The following KCNJ1 variants were observed in gnomAD, a reference collection of about 807,000 sequenced individuals.
KCNJ1 encodes the protein potassium inwardly rectifying channel subfamily J member 1, also known as ATP-sensitive inward rectifier potassium channel 1.
Under a neutral mutation model 21.9 loss-of-function variants are expected in KCNJ1, and 24 were observed. The observed-to-expected ratio is 1.10, with a 90% CI of 0.79 to 1.54. KCNJ1 has a LOEUF of 1.54. KCNJ1 is among the 40% of genes most tolerant of loss of function. KCNJ1 has a pLI of 0.00. For synonymous variants in KCNJ1, 152 were observed against 160.9 expected (o/e 0.94, Z 0.42); for missense variants, 457 against 455.4 (o/e 1.00, Z -0.03).
chr11:128,839,361 A>T lies in KCNJ1; in HGVS notation c.883T>A (p.Tyr295Asn). Residue 295 changes from tyrosine to asparagine, a missense_variant, in exon 3 of 3, where the codon TAT (tyrosine) becomes AAT (asparagine). Tyr to Asn is a moderately radical substitution (Grantham distance 143). Coordinates refer to ENST00000392666, the MANE Select transcript of KCNJ1 (RefSeq NM_153766.3). ...TSATCQVRTS[Y>N]VPEEVLWGYR... ...CCCCAAAGCACCTCCTCTGGGACAT[A>T]GGATGTCCGGACTTGGCAGGTAGCA... is the stretch of plus-strand genomic sequence containing the variant. 1.2e-6 allele frequency: 2 copies of T among 1,614,142 alleles called. No individual in the cohort carries two copies. Among genetic ancestry groups the T allele is most frequent in the South Asian group, 2.2e-5 (2 of 91,078 alleles).
At chr11:128,847,767 T>C (rs963859138) in intron 2 of KCNJ1, among the ~76,000 whole-genome samples, 1 of 152,242 alleles carries the variant, frequency 6.6e-6, no homozygotes, top group African/African-American at 2.4e-5. Flanking sequence ...TTACCAGTCT[T>C]TGGTGGCAGC....
At chr11:128,849,896 G>A (rs1943451404) in intron 2 of KCNJ1, among the ~76,000 whole-genome samples, 2 of 152,108 alleles carry the variant, frequency 1.3e-5, no homozygotes, top group South Asian at 4.1e-4. Flanking sequence ...AACCCCTCCT[G>A]CCCGCCCGCC....
At chr11:128,847,139 T>G (rs1475158458) in intron 2 of KCNJ1, among the ~76,000 whole-genome samples, 1 of 152,090 alleles carries the variant, frequency 6.6e-6, no homozygotes, top group Non-Finnish European at 1.5e-5. Flanking sequence ...CAGCCCCTAA[T>G]CCAGAGCAAA....
chr11:128,856,551 T>C (rs1943594839), intron 1 of KCNJ1, among the ~76,000 whole-genome samples: 1 of 152,320 alleles, frequency 6.6e-6, no homozygotes, highest in South Asian at 2.1e-4. Context: ...GGCATAGGCA[T>C]CTTGGACTGA....
At chr11:128,862,505 T>TC (rs1365132301) in intron 1 of KCNJ1, among the ~76,000 whole-genome samples, 1 of 151,800 alleles carries the variant, frequency 6.6e-6, no homozygotes, top group African/African-American at 2.4e-5. Flanking sequence ...GCCCCCTCCA[T>TC]CCCCCCCGGG....
At chr11:128,862,834 C>T (rs1230905578) in intron 1 of KCNJ1, among the ~76,000 whole-genome samples, 2 of 152,228 alleles carry the variant, frequency 1.3e-5, no homozygotes, top group East Asian at 1.9e-4. Context: ...ATCCAAATAC[C>T]CTGATCCCCA....
chr11:128,854,872 A>C (rs888648260), intron 1 of KCNJ1, among the ~76,000 whole-genome samples: 2 of 152,182 alleles, frequency 1.3e-5, no homozygotes, highest in Non-Finnish European at 2.9e-5. Context: ...TGGGGAAAGA[A>C]ACTGAAGCCC....
Position 128,842,421 on chromosome 11 carries a change from T to C in KCNJ1, c.-21-2157A>G, listed in dbSNP as rs758009770. ...CATTCCGACTGGAAGCATTCATGGC[T>C]GGAAAAAGCAAGGAAGTGGTGCTGG... is the stretch of plus-strand genomic sequence containing the variant. On this transcript the variant is annotated intron_variant, in intron 2 of 2. Transcript: ENST00000392666. The C allele has an allele frequency of 4.3e-6, 7 of 1,613,688 alleles. No homozygotes were observed. The East Asian group carries it at 1.6e-4, about 36-fold the overall frequency.
intron 1 of KCNJ1, among the ~76,000 whole-genome samples, chr11:128,855,955 G>C (rs1035547947): frequency 1.3e-5 from 2 of 152,220 alleles, no homozygotes; most frequent in African/African-American, 4.8e-5. Flanking sequence ...GAGCTGCAGA[G>C]GAAATGCAGG....
Position 128,839,992 on chromosome 11 carries a change from C to T in KCNJ1, c.252G>A (p.Ala84=), listed in dbSNP as rs149563706. 13,185 of 1,614,078 alleles carry T rather than the reference C, an allele frequency of 8.2e-3. 65 individuals are homozygous for T. Among genetic ancestry groups the T allele is most frequent in the Middle Eastern group, 0.015 (88 of 6,062 alleles). ...FFFGLLWYAV[A]YIHKDLPEFH... ...ATTCCGGGAGGTCTTTGTGAATGTA[C>T]GCTACTGCATACCACAGGAGACCAA... The change falls in exon 3 of 3, where the codon GCG becomes GCA. Residue 84 remains alanine (A), a synonymous_variant. Coordinates refer to ENST00000392666, the MANE Select transcript of KCNJ1 (RefSeq NM_153766.3).
chr11:128,844,664 C>T (rs1565524595), intron 2 of KCNJ1, among the ~76,000 whole-genome samples: 2 of 152,220 alleles, frequency 1.3e-5, no homozygotes, highest in Non-Finnish European at 2.9e-5. Flanking sequence ...AGAAGCTCTT[C>T]TTCCACAGAC....
At chr11:128,862,396 C>A (rs765566740) in intron 1 of KCNJ1, among the ~76,000 whole-genome samples, 1 of 152,156 alleles carries the variant, frequency 6.6e-6, no homozygotes, top group Non-Finnish European at 1.5e-5. Flanking sequence ...GACTCTCAGA[C>A]CTGGTCCTGG....
chr11:128,857,134 C>T (rs761892250), intron 1 of KCNJ1, among the ~76,000 whole-genome samples: 8 of 152,154 alleles, frequency 5.3e-5, no homozygotes, highest in Non-Finnish European at 8.8e-5. Context: ...CCCTGGGCTT[C>T]GGCACCTGCT....
At chr11:128,845,534 C>T (rs1042716841) in intron 2 of KCNJ1, among the ~76,000 whole-genome samples, 16 of 152,198 alleles carry the variant, frequency 1.1e-4, no homozygotes, top group Non-Finnish European at 1.9e-4. Flanking sequence ...AGCAGTAAAC[C>T]ATCTAGCTCC....
At chr11:128,843,751 T>C (rs1219504859) in intron 2 of KCNJ1, among the ~76,000 whole-genome samples, 2 of 152,230 alleles carry the variant, frequency 1.3e-5, no homozygotes, top group Non-Finnish European at 2.9e-5. Context: ...ACTCATTGCA[T>C]TTATGTATAC....
At chr11:128,853,329 T>G (rs1229410434) in intron 1 of KCNJ1, among the ~76,000 whole-genome samples, 7 of 152,236 alleles carry the variant, frequency 4.6e-5, no homozygotes, top group Admixed American at 4.6e-4. Flanking sequence ...TGGAATATTA[T>G]TCAGCTCTAA....
chr11:128,866,120 A>C (rs555133318), intron 1 of KCNJ1, among the ~76,000 whole-genome samples: 1 of 152,312 alleles, frequency 6.6e-6, no homozygotes, highest in South Asian at 2.1e-4. Context: ...CATTTACACT[A>C]AACAGTGTAG....
chr11:128,853,654 G>A (rs1406329974), intron 1 of KCNJ1, among the ~76,000 whole-genome samples: 1 of 152,198 alleles, frequency 6.6e-6, no homozygotes, highest in Non-Finnish European at 1.5e-5. Flanking sequence ...TTTATTTTAT[G>A]AGAATTATAT....
At chr11:128,854,411 C>T (rs563490540) in intron 1 of KCNJ1, among the ~76,000 whole-genome samples, 1 of 152,206 alleles carries the variant, frequency 6.6e-6, no homozygotes, top group East Asian at 1.9e-4. Flanking sequence ...AGCATGACCT[C>T]GCAGACAAGC....
Sources: gnomAD v4.1 joint callset for allele counts (sites outside exome capture counted in the v4.1 genomes callset) on GRCh38, gnomAD v4.1.1 for gene constraint, MANE v1.5 for transcripts, NCBI Gene and HGNC (gene_info 2026-07-23, HGNC 2026-07-21) for gene names.